The following ARHGAP28 variants were observed in gnomAD, a reference collection of about 807,000 sequenced individuals.
ARHGAP28 encodes rho GTPase-activating protein 28.
ARHGAP28 carries 56 observed loss-of-function variants against 90.7 expected under a neutral mutation model. The ratio of observed to expected loss-of-function variants is 0.62; its 90% confidence interval spans 0.50 to 0.77. The LOEUF (loss-of-function observed/expected upper bound fraction) is 0.77. Among genes scored for constraint, ARHGAP28 ranks in the 30% least tolerant of loss-of-function variants. The pLI, the probability that ARHGAP28 is intolerant of heterozygous loss-of-function variation, is 0.00. For synonymous variants in ARHGAP28, 308 were observed against 323.3 expected (o/e 0.95, Z 0.51); for missense variants, 869 against 900.9 (o/e 0.96, Z 0.45).
intron 1 of ARHGAP28, among the ~76,000 whole-genome samples, chr18:6,819,321 AG>A (rs1267416480): frequency 6.6e-6 from 1 of 152,130 alleles, no homozygotes; most frequent in Non-Finnish European, 1.5e-5. Flanking sequence ...TGTAGCAGCT[AG>A]AAAAAAAAAG....
chr18:6,893,778 T>C (rs2057283489), intron 14 of ARHGAP28, among the ~76,000 whole-genome samples: 1 of 152,122 alleles, frequency 6.6e-6, no homozygotes, highest in Non-Finnish European at 1.5e-5. Context: ...AGATATGGTA[T>C]TTATAAAGGT....
At chr18:6,853,692 C>T (rs1053658877) in intron 4 of ARHGAP28, among the ~76,000 whole-genome samples, 32 of 152,096 alleles carry the variant, frequency 2.1e-4, no homozygotes, top group African/African-American at 7.5e-4. Flanking sequence ...TCAGGCTGGG[C>T]TCAAACTCCT....
intron 1 of ARHGAP28, among the ~76,000 whole-genome samples, chr18:6,736,186 C>T (rs1230435364): frequency 2.0e-5 from 3 of 152,118 alleles, no homozygotes; most frequent in Non-Finnish European, 4.4e-5. Flanking sequence ...CTACATTTGA[C>T]TCATTTTACA....
intron 10 of ARHGAP28, 111 bp from the exon 11 acceptor site, chr18:6,882,026 C>T (rs1425655820): frequency 1.0e-6 from 1 of 981,426 alleles, no homozygotes; most frequent in East Asian, 2.6e-5. Context: ...GTAGACATTA[C>T]CTTACCAGTC....
At chr18:6,839,519 G>A (rs917120397) in intron 3 of ARHGAP28, among the ~76,000 whole-genome samples, 3 of 152,146 alleles carry the variant, frequency 2.0e-5, no homozygotes, top group Admixed American at 2.0e-4. Context: ...GGATGGTCTC[G>A]ATTTCCTGAC....
chr18:6,902,755 T>C (rs1275849359), intron 16 of ARHGAP28, among the ~76,000 whole-genome samples: 3 of 152,210 alleles, frequency 2.0e-5, no homozygotes, highest in African/African-American at 7.2e-5. Flanking sequence ...GAAAACAGTA[T>C]GGTAATTCCT....
intron 16 of ARHGAP28, among the ~76,000 whole-genome samples, chr18:6,903,704 G>A (rs775172116): frequency 2.0e-4 from 30 of 151,208 alleles, no homozygotes; most frequent in Middle Eastern, 3.4e-3. Flanking sequence ...GGTGGTGGGC[G>A]CCTGTAATCC....
chr18:6,827,546 C>T (rs1490305818), intron 2 of ARHGAP28, among the ~76,000 whole-genome samples: 1 of 140,476 alleles, frequency 7.1e-6, no homozygotes, highest in Non-Finnish European at 1.6e-5. Context: ...GGGGGGCTGA[C>T]CCCCCCACCT....
chr18:6,898,586 G>C (rs534172379), intron 16 of ARHGAP28: 1 of 1,603,252 alleles, frequency 6.2e-7, no homozygotes, highest in Non-Finnish European at 8.5e-7. Context: ...CAGTCATATA[G>C]AGACTTGAAA....
At chr18:6,814,552 G>A (rs2056577715) in intron 1 of ARHGAP28, among the ~76,000 whole-genome samples, 1 of 152,088 alleles carries the variant, frequency 6.6e-6, no homozygotes, top group Admixed American at 6.6e-5. Flanking sequence ...GAAGAAACAG[G>A]GGCTAAATGG....
intron 1 of ARHGAP28, among the ~76,000 whole-genome samples, chr18:6,739,191 A>G (rs2055953985): frequency 6.6e-6 from 1 of 152,140 alleles, no homozygotes; most frequent in Non-Finnish European, 1.5e-5. Context: ...TTATTAATAT[A>G]TTATGGATTT....
intron 3 of ARHGAP28, among the ~76,000 whole-genome samples, chr18:6,848,644 G>A (rs1308129338): frequency 3.3e-5 from 5 of 152,150 alleles, no homozygotes; most frequent in Non-Finnish European, 7.3e-5. Context: ...TCGGCCAAAG[G>A]GGAACATTAA....
chr18:6,769,916 A>G (rs2056228958), intron 1 of ARHGAP28, among the ~76,000 whole-genome samples: 1 of 152,248 alleles, frequency 6.6e-6, no homozygotes, highest in South Asian at 2.1e-4. Flanking sequence ...GAAAACAAAT[A>G]CCCCTAAACT....
intron 1 of ARHGAP28, among the ~76,000 whole-genome samples, chr18:6,739,992 T>G (rs1160281706): frequency 6.6e-6 from 1 of 151,906 alleles, no homozygotes; most frequent in Non-Finnish European, 1.5e-5. Flanking sequence ...GTAACTGGGA[T>G]TATAGGCATG....
chr18:6,768,530 G>T (rs932949132), intron 1 of ARHGAP28, among the ~76,000 whole-genome samples: 4 of 152,002 alleles, frequency 2.6e-5, no homozygotes, highest in African/African-American at 9.7e-5. Context: ...AAAGTCAAAT[G>T]CCTCCCAGCC....
chr18:6,835,424 G>A (rs991343009), intron 2 of ARHGAP28, among the ~76,000 whole-genome samples: 2 of 152,158 alleles, frequency 1.3e-5, no homozygotes, highest in African/African-American at 4.8e-5. Flanking sequence ...TTTTCTTAAA[G>A]GGACAGCTTA....
chr18:6,828,041 T>C (rs1404037876), intron 2 of ARHGAP28, among the ~76,000 whole-genome samples: 3 of 152,068 alleles, frequency 2.0e-5, no homozygotes, highest in Admixed American at 6.5e-5. Flanking sequence ...ATCACGCCAC[T>C]GCACTCCAGC....
intron 1 of ARHGAP28, among the ~76,000 whole-genome samples, chr18:6,787,201 CA>C (rs1323150034): frequency 1.1e-5 from 1 of 89,016 alleles, no homozygotes; most frequent in Non-Finnish European, 2.0e-5. Flanking sequence ...ACCTGGGCAA[CA>C]AGAGCGAAAC....
At chr18:6,817,342 AC>A (rs1170101432) in intron 1 of ARHGAP28, among the ~76,000 whole-genome samples, 2 of 151,102 alleles carry the variant, frequency 1.3e-5, no homozygotes, top group East Asian at 1.9e-4. Context: ...CAAAAAAAAA[AC>A]AAAACAAAAC....
Sources: gnomAD v4.1 joint callset for allele counts (sites outside exome capture counted in the v4.1 genomes callset) on GRCh38, gnomAD v4.1.1 for gene constraint, MANE v1.5 for transcripts, NCBI Gene and HGNC (gene_info 2026-07-23, HGNC 2026-07-21) for gene names.